The following SGMS2 variants were observed in gnomAD, a reference collection of about 807,000 sequenced individuals.
SGMS2 encodes phosphatidylcholine:ceramide cholinephosphotransferase 2.
A neutral mutation model predicts 43.8 loss-of-function variants in SGMS2; 21 were observed. The observed-to-expected ratio is 0.48, with a 90% CI of 0.34 to 0.69. The LOEUF (loss-of-function observed/expected upper bound fraction) is 0.69. Among genes scored for constraint, SGMS2 ranks in the 30% least tolerant of loss-of-function variants. The pLI, the probability that SGMS2 is intolerant of heterozygous loss-of-function variation, is 0.01. For missense variants in SGMS2, 384 were observed against 443.2 expected (o/e 0.87, Z 1.20); for synonymous variants, 167 against 160.6 (o/e 1.04, Z -0.30).
At chr4:107,856,760 G>A (rs1445659466) in intron 1 of SGMS2, among the ~76,000 whole-genome samples, 2 of 152,130 alleles carry the variant, frequency 1.3e-5, no homozygotes, top group Non-Finnish European at 2.9e-5. Flanking sequence ...ATGGGGTCTA[G>A]TAATGCTTAC....
chr4:107,863,857 C>T (rs534108883), intron 2 of SGMS2: 2 of 152,296 alleles, frequency 1.3e-5, no homozygotes, highest in South Asian at 4.1e-4. Context: ...ACATTAGTGA[C>T]TCATTTAGGA....
chr4:107,891,033 A>AT (rs1181151162), intron 2 of SGMS2, among the ~76,000 whole-genome samples: 2 of 152,144 alleles, frequency 1.3e-5, no homozygotes, highest in Non-Finnish European at 2.9e-5. Context: ...GGCTAGCAAA[A>AT]AGGTGGCTTT....
chr4:107,899,806 T>C (rs1048313928), intron 4 of SGMS2, 114 bp downstream of exon 4: 2 of 556,340 alleles, frequency 3.6e-6, no homozygotes, highest in Non-Finnish European at 3.1e-6. Context: ...AAATCTAGCA[T>C]CTTTTCTATT....
intron 3 of SGMS2, among the ~76,000 whole-genome samples, chr4:107,898,777 G>T (rs1371004490): frequency 2.0e-5 from 3 of 152,202 alleles, no homozygotes; most frequent in Non-Finnish European, 4.4e-5. Flanking sequence ...TGGGAAGCCT[G>T]CCTCAGGCTG....
At chr4:107,900,005 T>C (rs1479818181) in intron 4 of SGMS2, among the ~76,000 whole-genome samples, 3 of 152,162 alleles carry the variant, frequency 2.0e-5, no homozygotes, top group South Asian at 2.1e-4. Flanking sequence ...CCAGGGATTG[T>C]AGTAACCCAA....
chr4:107,903,322 T>C lies in SGMS2; in HGVS notation c.663T>C (p.Cys221=). 1.2e-6 allele frequency: 2 copies of C among 1,614,052 alleles called. No homozygotes were observed. The highest frequency in any genetic ancestry group is 1.7e-5 in the Admixed American group (1 of 59,998). The part of the protein sequence containing the change: ...GLSITGSHIL[C]GDFLFSGHTV... ...CCATAACTGGATCACATATCTTATG[T>C]GGAGACTTCCTCTTCAGCGGTCACA... Residue 221 remains cysteine, a synonymous_variant, in exon 5 of 7, where the codon TGT becomes TGC. Coordinates refer to ENST00000690982, the MANE Select transcript of SGMS2 (RefSeq NM_001375905.1).
intron 1 of SGMS2, among the ~76,000 whole-genome samples, chr4:107,854,529 G>A (rs1727315414): frequency 6.6e-6 from 1 of 152,158 alleles, no homozygotes; most frequent in East Asian, 1.9e-4. Context: ...GATGCTTCTA[G>A]GGGGAGTTGC....
intron 1 of SGMS2, among the ~76,000 whole-genome samples, chr4:107,841,734 G>T (rs1726520098): frequency 6.6e-6 from 1 of 151,932 alleles, no homozygotes; most frequent in African/African-American, 2.4e-5. Flanking sequence ...TGCAATCACA[G>T]CTCACTGCAG....
rs1268926862 is a variant in SGMS2 at position 107,911,776 on chromosome 4, T to C, written c.*1223T>C. On this transcript the variant is annotated 3_prime_UTR_variant, in exon 7 of 7. Coordinates refer to ENST00000690982, the MANE Select transcript of SGMS2 (RefSeq NM_001375905.1). ...TATACAGTGAAGGGGGATAACTGTT[T>C]CTAAATTTCTTTAAGGTGATGCCAA... 6.6e-6 allele frequency: 1 copy of C among 151,678 alleles called. No homozygotes were observed. Among genetic ancestry groups the C allele is most frequent in the Non-Finnish European group, 1.5e-5 (1 of 67,730 alleles). The allele number at this position is 151,678 out of a possible 1,614,324, so 9.4% of individuals were successfully genotyped here. A position where few individuals can be genotyped will look rare whatever the true frequency, so the allele number is the denominator to read the frequency against.
At chr4:107,881,443 C>T (rs1403583157) in intron 2 of SGMS2, among the ~76,000 whole-genome samples, 1 of 151,888 alleles carries the variant, frequency 6.6e-6, no homozygotes, top group Non-Finnish European at 1.5e-5. Flanking sequence ...CAACGTACAT[C>T]ATCTCAATTT....
rs1732248519 is a variant in SGMS2, at chr4:107,913,404, G to A, written c.*2851G>A. ...TGGGAAACAAGTTTTGCTGTGGCAG[G>A]AAGGCTGTTTTGAGAGTGAGCGTTG... is the stretch of plus-strand genomic sequence containing the variant. On this transcript the variant is annotated 3_prime_UTR_variant, in exon 7 of 7. Coordinates refer to ENST00000690982, the MANE Select transcript of SGMS2 (RefSeq NM_001375905.1). 1 of 152,126 alleles carries A rather than the reference G, an allele frequency of 6.6e-6. No individual in the cohort carries two copies. Among genetic ancestry groups the A allele is most frequent in the Non-Finnish European group, 1.5e-5 (1 of 68,028 alleles). The allele number at this position is 152,126 out of a possible 1,614,324, so 9.4% of individuals were successfully genotyped here. A position where few individuals can be genotyped will look rare whatever the true frequency, so the allele number is the denominator to read the frequency against.
intron 2 of SGMS2, among the ~76,000 whole-genome samples, chr4:107,891,754 G>C (rs531882859): frequency 6.6e-6 from 1 of 152,196 alleles, no homozygotes; most frequent in African/African-American, 2.4e-5. Context: ...ATTTGCATAA[G>C]GGTGCAAAAA....
chr4:107,891,099 C>CTT (rs200577271), intron 2 of SGMS2, among the ~76,000 whole-genome samples: 8 of 140,870 alleles, frequency 5.7e-5, no homozygotes, highest in African/African-American at 2.2e-4. Context: ...CCTTTTTTTT[C>CTT]TTTTTTTTTC....
intron 2 of SGMS2, among the ~76,000 whole-genome samples, chr4:107,858,990 A>T (rs1036693692): frequency 6.6e-6 from 1 of 152,208 alleles, no homozygotes; most frequent in Non-Finnish European, 1.5e-5. Context: ...TAGCAAAGTT[A>T]TTCTGTTTTT....
intron 1 of SGMS2, among the ~76,000 whole-genome samples, chr4:107,851,112 A>G (rs1023997207): frequency 1.3e-5 from 2 of 152,168 alleles, no homozygotes; most frequent in African/African-American, 4.8e-5. Context: ...GCTTTGTGAA[A>G]TAGGGGTTTA....
At chr4:107,877,166 G>T (rs994040126) in intron 2 of SGMS2, among the ~76,000 whole-genome samples, 5 of 151,958 alleles carry the variant, frequency 3.3e-5, no homozygotes, top group Non-Finnish European at 7.4e-5. Flanking sequence ...AAAATTAGCT[G>T]GCATGGTGGT....
At chr4:107,873,795 C>T (rs1047555433) in intron 2 of SGMS2, among the ~76,000 whole-genome samples, 3 of 152,092 alleles carry the variant, frequency 2.0e-5, no homozygotes, top group African/African-American at 7.2e-5. Context: ...GTTCCCACCA[C>T]AATTTGGATT....
intron 5 of SGMS2, 148 bp downstream of exon 5, chr4:107,903,534 T>G: frequency 1.5e-6 from 1 of 657,028 alleles, no homozygotes; most frequent in Non-Finnish European, 2.6e-6. Flanking sequence ...AATGTGAATG[T>G]GTGTGTGTGC....
chr4:107,901,908 C>CTTT (rs773312563), intron 4 of SGMS2, among the ~76,000 whole-genome samples: 1 of 143,066 alleles, frequency 7.0e-6, no homozygotes. Flanking sequence ...CCTTCTTCTT[C>CTTT]TTTTTTTTTT....
Sources: gnomAD v4.1 joint callset for allele counts (sites outside exome capture counted in the v4.1 genomes callset) on GRCh38, gnomAD v4.1.1 for gene constraint, MANE v1.5 for transcripts, NCBI Gene and HGNC (gene_info 2026-07-23, HGNC 2026-07-21) for gene names.